The following ARMC6 variants were observed in gnomAD, a reference collection of about 807,000 sequenced individuals.
ARMC6 encodes the protein armadillo repeat-containing protein 6.
Under a neutral mutation model 49.2 loss-of-function variants are expected in ARMC6, and 43 were observed. The observed-to-expected ratio is 0.87, with a 90% CI of 0.69 to 1.13. The LOEUF is 1.13. Among genes scored for constraint, ARMC6 ranks in the 50% most tolerant of loss-of-function variants. ARMC6 has a pLI of 0.00. For synonymous variants in ARMC6, 262 were observed against 289.6 expected, an observed-to-expected ratio of 0.90 and a Z score of 0.97; for missense variants, 627 against 682.0, an observed-to-expected ratio of 0.92 and a Z score of 0.90.
Position 19,055,127 on chromosome 19 carries a change from A to G in ARMC6, c.1024-138A>G. 2 of 1,144,072 alleles carry G rather than the reference A, an allele frequency of 1.7e-6. No homozygotes were observed. The highest frequency in any genetic ancestry group is 2.4e-6 in the Non-Finnish European group (2 of 836,782). The allele number at this position is 1,144,072 out of a possible 1,614,324, so 70.9% of individuals were successfully genotyped here. On this transcript the variant is annotated intron_variant, in intron 6 of 8. Coordinates refer to ENST00000535612, the MANE Select transcript of ARMC6 (RefSeq NM_001199196.2). This position sits in a 1 kb window ranked among gnomAD's most constrained non-coding sequence, Gnocchi z 5.7. ...GCAGCCTGAGCCACAGGCATCTGCC[A>G]CCCCTTCTCGTTAGTCACACCCTGC...
At chr19:19,047,270 C>T (rs990760313) in intron 4 of ARMC6, among the ~76,000 whole-genome samples, 5 of 152,102 alleles carry the variant, frequency 3.3e-5, no homozygotes, top group South Asian at 2.1e-4. Context: ...GCGGTCAGTT[C>T]GCAACTGAAC....
chr19:19,056,061 C>A, intron 8 of ARMC6, 133 bp downstream of exon 8: 15 of 1,047,576 alleles, frequency 1.4e-5, no homozygotes, highest in Non-Finnish European at 1.9e-5. Context: ...CTATCCCTGT[C>A]CCTGTCCCTC....
chr19:19,034,610 A>C (rs2059328367), intron 2 of ARMC6, among the ~76,000 whole-genome samples: 1 of 152,034 alleles, frequency 6.6e-6, no homozygotes, highest in African/African-American at 2.4e-5. Flanking sequence ...TTCTTTTGAG[A>C]CGGAGTCTTT....
At chr19:19,048,192 AAAAAT>A (rs1354641376) in intron 4 of ARMC6, among the ~76,000 whole-genome samples, 2 of 152,170 alleles carry the variant, frequency 1.3e-5, no homozygotes, top group Non-Finnish European at 2.9e-5. Context: ...CTAAAAATAC[AAAAAT>A]TAACCGGGCA....
At chr19:19,044,162 C>A in intron 4 of ARMC6, 88 bp downstream of exon 4, 1 of 1,312,466 alleles carries the variant, frequency 7.6e-7, no homozygotes. Flanking sequence ...AGAATACAGG[C>A]TCTGAAGGTC....
intron 2 of ARMC6, among the ~76,000 whole-genome samples, chr19:19,038,834 G>A (rs769191446): frequency 1.6e-4 from 24 of 151,912 alleles, no homozygotes; most frequent in Non-Finnish European, 2.8e-4. Flanking sequence ...TGGTATTACA[G>A]GCATGAGCCA....
intron 2 of ARMC6, chr19:19,040,620 ATTTG>A: frequency 3.7e-6 from 1 of 272,614 alleles, no homozygotes; most frequent in South Asian, 2.7e-5. Flanking sequence ...CCTGAGCTGT[ATTTG>A]TTTTAGTATT....
In ARMC6 at chr19:19,042,839, AG is replaced by A; in HGVS notation, c.160del (p.Ala54GlnfsTer2). 1 of 1,613,952 alleles carries A rather than the reference AG, an allele frequency of 6.2e-7. No individual in the cohort carries two copies. ...NIEEFAMGPEEAVKEAVEQFE... is the reference protein window; with the variant it reads ...NIEEFAMGPEXAVKEAVEQFE... ...GAGGAGTTTGCGATGGGGCCAGAGG[AG>A]GCAGTGAAAGAGGCCGTGGAGCAGT... On this transcript the variant is annotated frameshift_variant, in exon 3 of 9. Coordinates refer to ENST00000535612, the MANE Select transcript of ARMC6 (RefSeq NM_001199196.2). LOFTEE classifies it high-confidence loss of function.
chr19:19,057,298 T>C, intron 8 of ARMC6, 118 bp from the exon 9 acceptor site: 1 of 818,966 alleles, frequency 1.2e-6, no homozygotes, highest in Non-Finnish European at 1.9e-6. Context: ...TATAGGCAGC[T>C]GCTGGATGTC....
chr19:19,035,757 G>A (rs1476477518), intron 2 of ARMC6, among the ~76,000 whole-genome samples: 1 of 73,894 alleles, frequency 1.4e-5, no homozygotes, highest in African/African-American at 5.6e-5. Context: ...ATTTGAGACA[G>A]GTGTCAATCA....
chr19:19,051,106 G>C (rs1374301651), intron 4 of ARMC6, among the ~76,000 whole-genome samples: 1 of 152,232 alleles, frequency 6.6e-6, no homozygotes, highest in Non-Finnish European at 1.5e-5. Context: ...GGATGGGTAT[G>C]TCTGGTGAAT....
At position 19,045,493 on chromosome 19, in the gene ARMC6, C is replaced by CTTTT. The variant is rs11270900; in HGVS notation, c.279+1427_279+1430dup. ...TAAGTGCTCAGCATTATGCTAAATT[C>CTTTT]TTTTTTTTTTTGAGACAAGAGTCTC... On this transcript the variant is annotated intron_variant, in intron 4 of 8. Coordinates refer to ENST00000535612, the MANE Select transcript of ARMC6 (RefSeq NM_001199196.2). Among the ~76,000 whole-genome samples the CTTTT allele has an allele frequency of 9.0e-5, 8 of 89,118 alleles. 3 individuals are homozygous for CTTTT. Among genetic ancestry groups the CTTTT allele is most frequent in the African/African-American group, 2.4e-4 (5 of 20,866 alleles). 58.5% of individuals were successfully genotyped at this position (89,118 alleles called of 152,430 possible). A position where few individuals can be genotyped will look rare whatever the true frequency, so the allele number is the denominator to read the frequency against.
At chr19:19,054,423 C>A in intron 6 of ARMC6, 102 bp downstream of exon 6, 2 of 1,269,482 alleles carry the variant, frequency 1.6e-6, no homozygotes, top group South Asian at 3.9e-5. Context: ...AGTGTCGGAA[C>A]CAAAGTGCAG....
chr19:19,034,189 G>C lies in ARMC6; in HGVS notation c.-21G>C, dbSNP rs374996336. The C allele has an allele frequency of 1.1e-4, 168 of 1,588,582 alleles. 2 individuals carry two copies. In the East Asian group the frequency reaches 1.3e-3, roughly 12 times the overall value. ...CCCCGTCCTAGGCAGTGGGGACAAGGAGGCTACAGGGTACAAATAAATGAG... is the reference window on the plus strand; with the variant it reads ...CCCCGTCCTAGGCAGTGGGGACAAGCAGGCTACAGGGTACAAATAAATGAG... On this transcript the variant is annotated 5_prime_UTR_variant, in exon 2 of 9. Coordinates refer to ENST00000535612, the MANE Select transcript of ARMC6 (RefSeq NM_001199196.2).
chr19:19,034,864 C>A (rs1244045875), intron 2 of ARMC6, among the ~76,000 whole-genome samples: 1 of 139,374 alleles, frequency 7.2e-6, no homozygotes, highest in African/African-American at 2.6e-5. Context: ...CTTGCCTGGC[C>A]TTTTTTTTTT....
intron 2 of ARMC6, among the ~76,000 whole-genome samples, chr19:19,037,392 T>TG (rs1269755989): frequency 6.6e-6 from 1 of 151,194 alleles, no homozygotes; most frequent in Non-Finnish European, 1.5e-5. Context: ...TTTTTTTTTT[T>TG]TTGAGACAAG....
In ARMC6 at chr19:19,043,573, G is replaced by A. The variant is rs1163542314; in HGVS notation, c.197-419G>A. Among the ~76,000 whole-genome samples, 3 of 152,180 alleles carry A rather than the reference G, an allele frequency of 2.0e-5. 1 individual carries two copies. The highest frequency in any genetic ancestry group is 2.4e-5 in the African/African-American group (1 of 41,438). ...ACAGGGGCCAGTGGGACAAGCAAAA[G>A]CGTCCAGCACTGTAGGGGCTCCCTG... On this transcript the variant is annotated intron_variant, in intron 3 of 8. Transcript: ENST00000535612.
chr19:19,040,697 G>T, intron 2 of ARMC6: 1 of 382,406 alleles, frequency 2.6e-6, no homozygotes, highest in Non-Finnish European at 5.2e-6. Flanking sequence ...CAGCCAGGCT[G>T]GAGTGCAATG....
chr19:19,045,493 C>CTTTTTTTTATTTTTTTT (rs2059442152), intron 4 of ARMC6, among the ~76,000 whole-genome samples: 1 of 89,118 alleles, frequency 1.1e-5, no homozygotes, highest in African/African-American at 4.8e-5. Context: ...ATGCTAAATT[C>CTTTTTTTTATTTTTTTT]TTTTTTTTTT....
Sources: allele counts gnomAD v4.1 joint callset (sites outside exome capture counted in the v4.1 genomes callset), GRCh38; gene constraint gnomAD v4.1.1; non-coding constraint Gnocchi (gnomAD v3.1); transcripts MANE v1.5; gene names NCBI Gene and HGNC (gene_info 2026-07-23, HGNC 2026-07-21).